The following SPTBN1 variants were observed in gnomAD, a reference collection of about 807,000 sequenced individuals.
SPTBN1 encodes spectrin beta chain, non-erythrocytic 1.
A neutral mutation model predicts 266.4 loss-of-function variants in SPTBN1; 32 were observed. That is an observed-to-expected ratio of 0.12 (90% CI 0.09 to 0.16). The LOEUF (loss-of-function observed/expected upper bound fraction) is 0.16, where lower values mean the gene tolerates loss of function less well. Among genes scored for constraint, SPTBN1 ranks in the 10% least tolerant of loss-of-function variants. The probability of loss-of-function intolerance (pLI) is 1.00; values close to 1 mark genes in which losing one functional copy is unlikely to be tolerated. For synonymous variants in SPTBN1, 1,336 were observed against 1,162.2 expected (o/e 1.15, Z -3.04); for missense variants, 2,296 against 3,067.1 (o/e 0.75, Z 5.94).
intron 18 of SPTBN1, among the ~76,000 whole-genome samples, chr2:54,642,116 G>A (rs933213304): frequency 6.6e-6 from 1 of 152,218 alleles, no homozygotes; most frequent in African/African-American, 2.4e-5. Context: ...AAAGCAAATG[G>A]GGCGGGAATC....
intron 34 of SPTBN1, among the ~76,000 whole-genome samples, 200 bp downstream of exon 34, chr2:54,666,288 C>A (rs1393558716): frequency 6.6e-6 from 1 of 152,130 alleles, no homozygotes; most frequent in Non-Finnish European, 1.5e-5. Flanking sequence ...CACCAGCTTC[C>A]CTGTGGTTAA....
At chr2:54,486,165 C>T (rs1269022326) in intron 1 of SPTBN1, among the ~76,000 whole-genome samples, 1 of 84,118 alleles carries the variant, frequency 1.2e-5, no homozygotes, top group Non-Finnish European at 3.0e-5. Context: ...GCCCGGCCGC[C>T]CCTGCTGGGA....
intron 1 of SPTBN1, among the ~76,000 whole-genome samples, chr2:54,461,508 C>G (rs2103793317): frequency 6.6e-6 from 1 of 152,270 alleles, no homozygotes; most frequent in Non-Finnish European, 1.5e-5. Context: ...GCATCATCAG[C>G]CTTAGTAGAG....
Position 54,512,183 on chromosome 2 carries a change from G to A in SPTBN1, c.-47-14189G>A, listed in dbSNP as rs141705896. 3.3e-4 allele frequency among the ~76,000 whole-genome samples: 51 copies of A among 152,324 alleles called. 1 individual carries two copies. In the East Asian group the frequency reaches 3.5e-3, roughly 10 times the overall value. On this transcript the variant is annotated intron_variant, in intron 1 of 35. Coordinates refer to ENST00000356805, the MANE Select transcript of SPTBN1 (RefSeq NM_003128.3). ...CTTGCTTGTCCGCTGCTCACCTTCTGCTGTGTGGCCTCGGGGTTGGGGACC... is the reference window on the plus strand; with the variant it reads ...CTTGCTTGTCCGCTGCTCACCTTCTACTGTGTGGCCTCGGGGTTGGGGACC...
chr2:54,495,058 C>T (rs1668892731), intron 1 of SPTBN1, among the ~76,000 whole-genome samples: 1 of 152,046 alleles, frequency 6.6e-6, no homozygotes, highest in Non-Finnish European at 1.5e-5. Flanking sequence ...GTGTGGAATG[C>T]TGTGACAGGT....
rs371644502 is a variant in SPTBN1, at chr2:54,658,082, C to T, written c.6243+36C>T. On this transcript the variant is annotated intron_variant, in intron 30 of 35. Transcript: ENST00000356805. ...GCTGGGCCCTTTGTCTGTTGGTGCC[C>T]TGGGCAGCCTTTTCTTCCTGCTTGC... 71 of 1,611,032 alleles carry T rather than the reference C, an allele frequency of 4.4e-5. No homozygotes were observed. The African/African-American group carries it at 7.7e-4, about 18-fold the overall frequency.
At chr2:54,660,673 G>A in intron 32 of SPTBN1, 1 of 985,450 alleles carries the variant, frequency 1.0e-6, no homozygotes, top group African/African-American at 1.7e-5. Context: ...TACATTTTGA[G>A]ACCCTTGGGT....
intron 18 of SPTBN1, 36 bp from the exon 19 acceptor site, chr2:54,642,947 G>C (rs775172393): frequency 1.3e-6 from 2 of 1,596,134 alleles, no homozygotes; most frequent in South Asian, 2.2e-5. Flanking sequence ...TGATGTCTAG[G>C]ATCACAATCT....
Position 54,646,187 on chromosome 2 carries a change from C to A in SPTBN1, c.4585-7C>A. On this transcript the variant is annotated splice_region_variant and splice_polypyrimidine_tract_variant and intron_variant, in intron 22 of 35. Coordinates refer to ENST00000356805, the MANE Select transcript of SPTBN1 (RefSeq NM_003128.3). This position sits in a 1 kb window ranked among gnomAD's most constrained non-coding sequence, Gnocchi z 4.4. Reference sequence around the variant, plus strand: ...AAGCCTTTGTGTGTATTTTCCGCTCCCTCCAGACCCTCCAGAAAGAAATCC... The same window carrying A: ...AAGCCTTTGTGTGTATTTTCCGCTCACTCCAGACCCTCCAGAAAGAAATCC... 6.3e-7 allele frequency: 1 copy of A among 1,595,828 alleles called. No homozygotes were observed. Among genetic ancestry groups the A allele is most frequent in the Non-Finnish European group, 8.5e-7 (1 of 1,169,664 alleles).
chr2:54,647,944 G>C (rs1000814057), intron 24 of SPTBN1, among the ~76,000 whole-genome samples: 1 of 152,206 alleles, frequency 6.6e-6, no homozygotes, highest in African/African-American at 2.4e-5. Flanking sequence ...GTTTAGTAAA[G>C]TAATTACTAG....
chr2:54,460,702 TAAAG>T lies in SPTBN1; in HGVS notation c.-48+4187_-48+4190del, dbSNP rs554172829. Among the ~76,000 whole-genome samples the T allele has an allele frequency of 6.5e-4, 99 of 152,280 alleles. 1 individual carries two copies. The South Asian group carries it at 0.021, about 32-fold the overall frequency. On this transcript the variant is annotated intron_variant, in intron 1 of 35. Coordinates refer to ENST00000356805, the MANE Select transcript of SPTBN1 (RefSeq NM_003128.3). Reference sequence around the variant, plus strand: ...AAAATAATGTTCCTAAAATATATGTTAAAGAATCGTAAACCAGCTGGGTGCAGTG... The same window carrying T: ...AAAATAATGTTCCTAAAATATATGTTAATCGTAAACCAGCTGGGTGCAGTG...
intron 1 of SPTBN1, among the ~76,000 whole-genome samples, chr2:54,480,960 G>C (rs765485107): frequency 2.6e-4 from 40 of 152,138 alleles, no homozygotes; most frequent in Middle Eastern, 3.4e-3. Context: ...GGTTAATTTT[G>C]GGTCATTTAT....
chr2:54,459,330 C>A (rs184747055), intron 1 of SPTBN1, among the ~76,000 whole-genome samples: 1 of 152,208 alleles, frequency 6.6e-6, no homozygotes, highest in Non-Finnish European at 1.5e-5. Context: ...TGTGATGTTG[C>A]AGAGCAAATG....
chr2:54,461,474 A>G (rs938294332), intron 1 of SPTBN1, among the ~76,000 whole-genome samples: 2 of 152,298 alleles, frequency 1.3e-5, no homozygotes, highest in East Asian at 3.9e-4. Flanking sequence ...TAGGGAATGA[A>G]ATTTTCTGGC....
intron 2 of SPTBN1, among the ~76,000 whole-genome samples, chr2:54,597,866 C>CTTTTTTTTTT (rs531763576): frequency 1.9e-4 from 16 of 82,190 alleles, no homozygotes; most frequent in East Asian, 3.9e-4. Context: ...GAGCTATCTG[C>CTTTTTTTTTT]TTTTTTTTTT....
At chr2:54,606,461 C>T (rs758676308) in intron 3 of SPTBN1, among the ~76,000 whole-genome samples, 38 of 152,092 alleles carry the variant, frequency 2.5e-4, no homozygotes, top group Non-Finnish European at 3.8e-4. Context: ...CTCAGGTGCA[C>T]GAACTGACAA....
chr2:54,623,911 A>C (rs747504590), intron 10 of SPTBN1, among the ~76,000 whole-genome samples: 3 of 152,230 alleles, frequency 2.0e-5, no homozygotes, highest in Non-Finnish European at 2.9e-5. Flanking sequence ...TTTAAATTAC[A>C]GAAAGGAGAA....
At chr2:54,476,505 T>C (rs1278268645) in intron 1 of SPTBN1, among the ~76,000 whole-genome samples, 2 of 152,218 alleles carry the variant, frequency 1.3e-5, no homozygotes, top group African/African-American at 2.4e-5. Context: ...TAATAACATG[T>C]ACTAGGCCTC....
At chr2:54,576,679 T>C (rs10184128) in intron 2 of SPTBN1, among the ~76,000 whole-genome samples, 48,594 of 151,954 alleles carry the variant, frequency 0.32, 9,574 homozygotes, top group African/African-American at 0.56. Flanking sequence ...ATTTTTAGCT[T>C]GAAGATCACT....
Sources: allele counts gnomAD v4.1 joint callset (sites outside exome capture counted in the v4.1 genomes callset), GRCh38; gene constraint gnomAD v4.1.1; non-coding constraint Gnocchi (gnomAD v3.1); transcripts MANE v1.5; gene names NCBI Gene and HGNC (gene_info 2026-07-23, HGNC 2026-07-21).